PLEKHH2: variants seen among roughly 807,000 people sequenced by gnomAD.
PLEKHH2 encodes pleckstrin homology domain-containing family H member 2.
A neutral mutation model predicts 187.9 loss-of-function variants in PLEKHH2; 129 were observed. The observed-to-expected ratio is 0.69, with a 90% CI of 0.59 to 0.79. PLEKHH2 has a LOEUF of 0.79. Among genes scored for constraint, PLEKHH2 ranks in the 30% least tolerant of loss-of-function variants. The probability of loss-of-function intolerance (pLI) is 0.00; values close to 1 mark genes in which losing one functional copy is unlikely to be tolerated. For missense variants in PLEKHH2, 2,076 were observed against 1,751.2 expected (o/e 1.19, Z -3.31); for synonymous variants, 686 against 605.6 (o/e 1.13, Z -1.95).
At chr2:43,675,527 C>T in intron 2 of PLEKHH2, 1 of 1,613,978 alleles carries the variant, frequency 6.2e-7, no homozygotes, top group African/African-American at 1.3e-5. Flanking sequence ...GAACAGCAGC[C>T]TTCTACTACT....
rs761741442 is a variant in PLEKHH2, at chr2:43,765,501, T to C, written c.4385T>C (p.Leu1462Pro). ...TTTCACCACCTCTCTGCTCCAGCAC[T>C]GCTCTCAGCCCAGACCCGGGGACCC... ...AAFHHLSAPA[L>P]LSAQTRGPQA... The change falls in exon 30 of 30, where the codon CTG becomes CCG. Residue 1462 changes from leucine (L) to proline (P), a missense_variant. Coordinates refer to ENST00000282406, the MANE Select transcript of PLEKHH2 (RefSeq NM_172069.4). The C allele has an allele frequency of 1.9e-6, 3 of 1,614,154 alleles. No individual in the cohort carries two copies. The South Asian group carries it at 3.3e-5, about 18-fold the overall frequency.
rs377123313 is a variant in PLEKHH2, at chr2:43,699,994, C to G, written c.1036C>G (p.Pro346Ala). 17 of 1,614,054 alleles carry G rather than the reference C, an allele frequency of 1.1e-5. No individual in the cohort carries two copies. Among genetic ancestry groups the G allele is most frequent in the Non-Finnish European group, 1.4e-5 (17 of 1,179,996 alleles). ...FEEETFGIKR[P>A]EHKKLYSWQQ... The stretch of plus-strand genomic sequence containing the variant: ...GGAAGAGACTTTTGGCATAAAGAGA[C>G]CAGAACACAAGAAGCTATATTCTTG... Residue 346 changes from proline (P) to alanine (A), a missense_variant, in exon 8 of 30, where the codon CCA becomes GCA. Transcript: ENST00000282406.
At position 43,741,031 on chromosome 2, in the gene PLEKHH2, A is replaced by G. The variant is rs985119938; in HGVS notation, c.3209A>G (p.Asn1070Ser). 1 of 1,612,602 alleles carries G rather than the reference A, an allele frequency of 6.2e-7. No homozygotes were observed. Among genetic ancestry groups the G allele is most frequent in the Non-Finnish European group, 8.5e-7 (1 of 1,178,738 alleles). ...CTCCTCAGGCTTCACCTAAAGAGGA[A>G]TGCAGATTCCAGGTGTGCAGAATAC... is the stretch of plus-strand genomic sequence containing the variant. ...LWLLRLHLKR[N>S]ADSRTEFGKY... The change falls in exon 21 of 30, where the codon AAT becomes AGT. Residue 1070 changes from asparagine (N) to serine (S), a missense_variant. Transcript: ENST00000282406.
At chr2:43,694,730 A>G (rs1393772576) in intron 5 of PLEKHH2, among the ~76,000 whole-genome samples, 1 of 152,208 alleles carries the variant, frequency 6.6e-6, no homozygotes, top group Admixed American at 6.5e-5. Flanking sequence ...ATCAGTGTGA[A>G]TAACTTTATT....
In PLEKHH2 at chr2:43,697,176, C is replaced by G; in HGVS notation, c.508C>G (p.Gln170Glu). 1 of 1,563,052 alleles carries G rather than the reference C, an allele frequency of 6.4e-7. No individual in the cohort carries two copies. The highest frequency in any genetic ancestry group is 1.7e-4 in the Middle Eastern group (1 of 5,828). ...TTTGATTAACGATGTTGTAGAAGTT[C>G]AAGGAAAGAAGTCATCCACTGTCTC... ...RTMQSKLQEV[Q>E]GKKSSTVSTL... The change falls in exon 7 of 30, where the codon CAA becomes GAA. Residue 170 changes from glutamine to glutamate, a missense_variant. Transcript: ENST00000282406.
intron 18 of PLEKHH2, among the ~76,000 whole-genome samples, chr2:43,730,833 C>T (rs191481482): frequency 6.6e-6 from 1 of 152,274 alleles, no homozygotes; most frequent in African/African-American, 2.4e-5. Context: ...TTTAGGAATG[C>T]CTTCAAGTTC....
At chr2:43,668,138 T>C (rs1434923970) in intron 2 of PLEKHH2, among the ~76,000 whole-genome samples, 3 of 152,140 alleles carry the variant, frequency 2.0e-5, no homozygotes, top group Admixed American at 2.0e-4. Flanking sequence ...GTTCAAGTGA[T>C]TCTCCTGCCT....
chr2:43,709,949 A>C, intron 11 of PLEKHH2, 41 bp from the exon 12 acceptor site: 1 of 1,558,306 alleles, frequency 6.4e-7, no homozygotes, highest in Non-Finnish European at 8.7e-7. Flanking sequence ...GGCCCTCCCC[A>C]GTATTAAATA....
chr2:43,642,567 T>C (rs1665993044), intron 1 of PLEKHH2, among the ~76,000 whole-genome samples: 1 of 152,204 alleles, frequency 6.6e-6, no homozygotes, highest in Non-Finnish European at 1.5e-5. Context: ...GTCAGTCATT[T>C]ATCAGTAAGT....
At chr2:43,703,351 T>C (rs1669483062) in intron 8 of PLEKHH2, among the ~76,000 whole-genome samples, 1 of 152,226 alleles carries the variant, frequency 6.6e-6, no homozygotes, top group South Asian at 2.1e-4. Context: ...AATAATCTAC[T>C]TTTGGAACAA....
chr2:43,728,673 T>C (rs981652240), intron 17 of PLEKHH2, among the ~76,000 whole-genome samples: 7 of 150,932 alleles, frequency 4.6e-5, no homozygotes, highest in Non-Finnish European at 7.4e-5. Flanking sequence ...GAGATTCTTC[T>C]GCCTCAGCCT....
intron 3 of PLEKHH2, among the ~76,000 whole-genome samples, chr2:43,691,520 TG>T (rs1374851971): frequency 6.6e-6 from 1 of 152,202 alleles, no homozygotes; most frequent in Admixed American, 6.5e-5. Context: ...AAAGAAAGTG[TG>T]CCAAACGGGA....
chr2:43,669,570 A>G (rs1667399065), intron 2 of PLEKHH2, among the ~76,000 whole-genome samples: 1 of 152,250 alleles, frequency 6.6e-6, no homozygotes, highest in Non-Finnish European at 1.5e-5. Context: ...AAAAAATCAG[A>G]AATGAGGTGA....
intron 27 of PLEKHH2, among the ~76,000 whole-genome samples, chr2:43,760,647 G>T (rs1414490078): frequency 6.6e-6 from 1 of 152,206 alleles, no homozygotes; most frequent in Non-Finnish European, 1.5e-5. Flanking sequence ...ACAGGCGTGA[G>T]CCACCGCATC....
intron 8 of PLEKHH2, among the ~76,000 whole-genome samples, chr2:43,703,606 A>G (rs755450737): frequency 1.3e-5 from 2 of 152,144 alleles, no homozygotes; most frequent in African/African-American, 2.4e-5. Flanking sequence ...TGTTATAGCC[A>G]CTCATGGTTT....
chr2:43,754,979 TCTCCTGC>T (rs1051044850), intron 25 of PLEKHH2, among the ~76,000 whole-genome samples: 13 of 151,186 alleles, frequency 8.6e-5, no homozygotes, highest in African/African-American at 3.2e-4. Flanking sequence ...TTCAAGCGAT[TCTCCTGC>T]CTCAGCCTCC....
intron 2 of PLEKHH2, among the ~76,000 whole-genome samples, chr2:43,677,216 T>A (rs1454483411): frequency 6.6e-6 from 1 of 151,690 alleles, no homozygotes; most frequent in Non-Finnish European, 1.5e-5. Flanking sequence ...TTTTTTTTTT[T>A]AATTGATCAT....
Position 43,742,868 on chromosome 2 carries a change from C to T in PLEKHH2, c.3349C>T (p.His1117Tyr), listed in dbSNP as rs1433988226. The change falls in exon 22 of 30, where the codon CAT (histidine) becomes TAT (tyrosine). Residue 1117 changes from histidine to tyrosine, a missense_variant. Coordinates refer to ENST00000282406, the MANE Select transcript of PLEKHH2 (RefSeq NM_172069.4). The stretch of plus-strand genomic sequence containing the variant: ...AACTCTTCTCCGAAACCCTTATCAC[C>T]ATTCTTTGCCCTTTAGTATACCTGT... ...LSTLLRNPYH[H>Y]SLPFSIPVHF... The T allele has an allele frequency of 6.2e-7, 1 of 1,606,666 alleles. No individual in the cohort carries two copies. The highest frequency in any genetic ancestry group is 8.5e-7 in the Non-Finnish European group (1 of 1,177,346).
At chr2:43,653,999 A>C (rs74373180) in intron 2 of PLEKHH2, among the ~76,000 whole-genome samples, 2,195 of 152,328 alleles carry the variant, frequency 0.014, 53 homozygotes, top group African/African-American at 0.051. Context: ...ATTTGTTTGG[A>C]TGGATGGCAA....
Sources: allele counts gnomAD v4.1 joint callset (sites outside exome capture counted in the v4.1 genomes callset), GRCh38; gene constraint gnomAD v4.1.1; transcripts MANE v1.5; gene names NCBI Gene and HGNC (gene_info 2026-07-23, HGNC 2026-07-21).